Variants in CDC42 observed in about 807,000 individuals in gnomAD.
CDC42 encodes the protein cell division control protein 42 homolog.
In CDC42, 1 loss-of-function variant was observed where a neutral mutation model predicts 20.8. That is an observed-to-expected ratio of 0.05 (90% CI 0.02 to 0.23). The LOEUF (loss-of-function observed/expected upper bound fraction) is 0.23, where lower values mean the gene tolerates loss of function less well. Ranked by LOEUF, CDC42 falls within the 10% of genes least tolerant of loss-of-function variation. The probability of loss-of-function intolerance (pLI) is 1.00; values close to 1 mark genes in which losing one functional copy is unlikely to be tolerated. For missense variants in CDC42, 49 were observed against 227.9 expected (o/e 0.21, Z 5.05); for synonymous variants, 72 against 84.8 (o/e 0.85, Z 0.83).
rs1645783690 is a variant in CDC42 at position 22,100,579 on chromosome 1, C to T, written c.*9062C>T. 6.6e-6 allele frequency: 1 copy of T among 152,176 alleles called. No homozygotes were observed. 9.4% of individuals were successfully genotyped at this position (152,176 alleles called of 1,614,324 possible). A position where few individuals can be genotyped will look rare whatever the true frequency, so the allele number is the denominator to read the frequency against. The stretch of plus-strand genomic sequence containing the variant: ...GAATTGCTATATGTGAGGTTCTTAG[C>T]ATAGTGCCTGGCAAGTAGAAGGTAC... On this transcript the variant is annotated 3_prime_UTR_variant, in exon 6 of 6. Coordinates refer to ENST00000656825, the MANE Select transcript of CDC42 (RefSeq NM_001791.4).
intron 5 of CDC42, chr1:22,090,351 A>T (rs2124050358): frequency 1.9e-6 from 2 of 1,061,260 alleles, no homozygotes; most frequent in Non-Finnish European, 2.3e-6. Flanking sequence ...AAATAACAAG[A>T]GTTTTAACAC....
chr1:22,054,911 ATATATATATATTTTTTTTTTTTTTTTT>A (rs1645281966), intron 1 of CDC42, among the ~76,000 whole-genome samples: 17 of 13,638 alleles, frequency 1.2e-3, no homozygotes, highest in East Asian at 8.8e-3. Flanking sequence ...ATATATATAT[ATATATATATATTTTTTTTTTTTTTTTT>A]TTTTTTTTTT....
At chr1:22,081,445 A>G (rs1259244076) in intron 2 of CDC42, among the ~76,000 whole-genome samples, 1 of 152,216 alleles carries the variant, frequency 6.6e-6, no homozygotes, top group African/African-American at 2.4e-5. Context: ...TTGTGTAGCT[A>G]GAGGACTCTG....
intron 1 of CDC42, among the ~76,000 whole-genome samples, chr1:22,069,503 G>C (rs1310454820): frequency 6.6e-6 from 1 of 151,960 alleles, no homozygotes; most frequent in Non-Finnish European, 1.5e-5. Flanking sequence ...TCTTACCCAG[G>C]CTGGAGTGCA....
rs1645773825 is a variant in CDC42, at chr1:22,098,949, G to A, written c.*7432G>A. ...CATTTTTGCATTTTGTGTAGAGAGG[G>A]GGTTTTGCCATTTTACCCAGGCTGG... On this transcript the variant is annotated 3_prime_UTR_variant, in exon 6 of 6. Transcript: ENST00000656825. Among the ~76,000 whole-genome samples the A allele has an allele frequency of 6.6e-6, 1 of 152,066 alleles. No homozygotes were observed. Among genetic ancestry groups the A allele is most frequent in the Non-Finnish European group, 1.5e-5 (1 of 68,006 alleles).
rs567184632 is a variant in CDC42 at position 22,070,443 on chromosome 1, CTTTTTTTTTTTTTTTTTTT to C, written c.-50-7966_-50-7948del. 5.1e-4 allele frequency among the ~76,000 whole-genome samples: 31 copies of C among 60,370 alleles called. 1 individual carries two copies. In the South Asian group the frequency reaches 5.5e-3, roughly 11 times the overall value. 39.6% of individuals were successfully genotyped at this position (60,370 alleles called of 152,430 possible). A position where few individuals can be genotyped will look rare whatever the true frequency, so the allele number is the denominator to read the frequency against. ...CCTTTGTTGTCCTCTGCCTTTGCCT[CTTTTTTTTTTTTTTTTTTT>C]TTTTTTTTTTTTTTTTTTTGAGACA... is the stretch of plus-strand genomic sequence containing the variant. On this transcript the variant is annotated intron_variant, in intron 1 of 5. Coordinates refer to ENST00000656825, the MANE Select transcript of CDC42 (RefSeq NM_001791.4).
intron 3 of CDC42, among the ~76,000 whole-genome samples, chr1:22,085,026 G>GT (rs1645647068): frequency 6.6e-6 from 1 of 152,014 alleles, no homozygotes; most frequent in Admixed American, 6.6e-5. Flanking sequence ...GAGGTCAGAA[G>GT]TTTAAGACCA....
At chr1:22,089,916 T>C (rs1183663961) in intron 5 of CDC42, 3 of 1,609,888 alleles carry the variant, frequency 1.9e-6, no homozygotes, top group Non-Finnish European at 2.5e-6. Context: ...CTGGCTGCTA[T>C]TCTCTCTCCT....
At chr1:22,080,049 A>C (rs1467958398) in intron 2 of CDC42, among the ~76,000 whole-genome samples, 2 of 152,228 alleles carry the variant, frequency 1.3e-5, no homozygotes, top group African/African-American at 2.4e-5. Flanking sequence ...AATGCATTTA[A>C]GTTCCCATCT....
At chr1:22,063,347 A>G (rs1463891239) in intron 1 of CDC42, among the ~76,000 whole-genome samples, 1 of 152,110 alleles carries the variant, frequency 6.6e-6, no homozygotes, top group Non-Finnish European at 1.5e-5. Context: ...ACTTTCTAGC[A>G]TAGAATTTGG....
At position 22,095,753 on chromosome 1, in the gene CDC42, T is replaced by C. The variant is rs1472620726; in HGVS notation, c.*4236T>C. Among the ~76,000 whole-genome samples, 3 of 152,254 alleles carry C rather than the reference T, an allele frequency of 2.0e-5. No individual in the cohort carries two copies. The East Asian group carries it at 5.8e-4, about 29-fold the overall frequency. ...GCTGAACTTGTCTCTAGCCTTCAGA[T>C]TGGGCTCAGGTGGGCTTTGTGTTTG... On this transcript the variant is annotated 3_prime_UTR_variant, in exon 6 of 6. Coordinates refer to ENST00000656825, the MANE Select transcript of CDC42 (RefSeq NM_001791.4).
rs1645749836 is a variant in CDC42 at position 22,095,432 on chromosome 1, G to A, written c.*3915G>A. Among the ~76,000 whole-genome samples, 1 of 152,048 alleles carries A rather than the reference G, an allele frequency of 6.6e-6. No individual in the cohort carries two copies. The highest frequency in any genetic ancestry group is 6.6e-5 in the Admixed American group (1 of 15,258). On this transcript the variant is annotated 3_prime_UTR_variant, in exon 6 of 6. Transcript: ENST00000656825. ...CTACAGGCATGTGCCACCATGCCTG[G>A]CTAATGTTTTGTATTTTTAGTAGAG...
rs993866274 is a variant in CDC42, at chr1:22,094,179, G to A, written c.*2662G>A. Among the ~76,000 whole-genome samples the A allele has an allele frequency of 2.6e-5, 4 of 151,536 alleles. No individual in the cohort carries two copies. The highest frequency in any genetic ancestry group is 4.9e-5 in the African/African-American group (2 of 41,160). ...GGGAGTATGATTTAGAGGCTGGAAA[G>A]GGTTATTGAAAATAGTCCTTACAGG... On this transcript the variant is annotated 3_prime_UTR_variant, in exon 6 of 6. Transcript: ENST00000656825.
At position 22,098,279 on chromosome 1, in the gene CDC42, A is replaced by G. The variant is rs1645770032; in HGVS notation, c.*6762A>G. 6.6e-6 allele frequency among the ~76,000 whole-genome samples: 1 copy of G among 152,150 alleles called. No individual in the cohort carries two copies. Among genetic ancestry groups the G allele is most frequent in the Admixed American group, 6.5e-5 (1 of 15,282 alleles). On this transcript the variant is annotated 3_prime_UTR_variant, in exon 6 of 6. Coordinates refer to ENST00000656825, the MANE Select transcript of CDC42 (RefSeq NM_001791.4). ...TATCTGTAAAATTGCATACTTAGTT[A>G]TCATTGAGGTCTCAAATGCAGTTCG...
intron 3 of CDC42, among the ~76,000 whole-genome samples, chr1:22,082,525 CTTA>C (rs1169433852): frequency 6.6e-6 from 1 of 152,132 alleles, no homozygotes; most frequent in Admixed American, 6.6e-5. Context: ...TATGTGCCGT[CTTA>C]TTATCAGCTC....
intron 5 of CDC42, chr1:22,090,666 C>T: frequency 1.0e-6 from 1 of 985,354 alleles, no homozygotes; most frequent in Non-Finnish European, 1.2e-6. Flanking sequence ...TCCATTTAAA[C>T]AGTTGACTTA....
intron 3 of CDC42, among the ~76,000 whole-genome samples, chr1:22,083,532 G>C (rs2124025883): frequency 6.6e-6 from 1 of 152,094 alleles, no homozygotes. Context: ...TTGAACCCAG[G>C]GGGCGGAGGT....
chr1:22,058,429 A>G lies in CDC42; in HGVS notation c.-51+5687A>G, dbSNP rs148098908. 2.5e-3 allele frequency among the ~76,000 whole-genome samples: 378 copies of G among 152,134 alleles called. 2 individuals carry two copies. The highest frequency in any genetic ancestry group is 8.7e-3 in the African/African-American group (359 of 41,492). ...TTAAAGGAATTGTTGCTTCCTGCCT[A>G]TTACGTAGAATTGCCTCATGTCTGC... On this transcript the variant is annotated intron_variant, in intron 1 of 5. Transcript: ENST00000656825.
chr1:22,056,103 A>G (rs1274700683), intron 1 of CDC42, among the ~76,000 whole-genome samples: 1 of 152,236 alleles, frequency 6.6e-6, no homozygotes, highest in African/African-American at 2.4e-5. Context: ...TTGGCCTGGC[A>G]TGGTCACCCC....
Sources: allele counts gnomAD v4.1 joint callset (sites outside exome capture counted in the v4.1 genomes callset), GRCh38; gene constraint gnomAD v4.1.1; transcripts MANE v1.5; gene names NCBI Gene and HGNC (gene_info 2026-07-23, HGNC 2026-07-21).